TNRC6C: variants seen among roughly 807,000 people sequenced by gnomAD.
TNRC6C encodes trinucleotide repeat-containing gene 6C protein.
Under a neutral mutation model 153.7 loss-of-function variants are expected in TNRC6C, and 20 were observed. The ratio of observed to expected loss-of-function variants is 0.13; its 90% CI spans 0.09 to 0.19. The LOEUF is 0.19. TNRC6C is among the 10% of genes least tolerant of loss of function. The pLI, the probability that TNRC6C is intolerant of heterozygous loss-of-function variation, is 1.00. For missense variants in TNRC6C, 1,987 were observed against 2,172.0 expected (o/e 0.91, Z 1.69); for synonymous variants, 811 against 841.4 (o/e 0.96, Z 0.63).
chr17:78,040,991 A>G (rs1038555123), intron 2 of TNRC6C: 2 of 152,000 alleles, frequency 1.3e-5, no homozygotes, highest in Admixed American at 6.5e-5. Context: ...GCTCTACAGG[A>G]GGCGGCTCTC....
intron 1 of TNRC6C, among the ~76,000 whole-genome samples, chr17:77,972,469 G>A (rs1057223669): frequency 2.0e-5 from 3 of 151,052 alleles, no homozygotes; most frequent in African/African-American, 7.3e-5. Context: ...CCCAGATGGC[G>A]CCACTGCACT....
intron 1 of TNRC6C, among the ~76,000 whole-genome samples, chr17:77,979,368 G>C (rs1438021450): frequency 6.6e-6 from 1 of 152,162 alleles, no homozygotes; most frequent in Non-Finnish European, 1.5e-5. Context: ...CATGAATCCT[G>C]AAAGTATGTG....
intron 1 of TNRC6C, among the ~76,000 whole-genome samples, chr17:77,991,411 G>A (rs945791756): frequency 8.5e-5 from 13 of 152,164 alleles, no homozygotes; most frequent in African/African-American, 3.1e-4. Flanking sequence ...TCTTCATTTT[G>A]AAAGAAGTTT....
exon 20 of TNRC6C, chr17:78,106,922 A>T (rs1378234742): frequency 6.6e-6 from 1 of 151,504 alleles, no homozygotes; most frequent in Non-Finnish European, 1.5e-5. Context: ...CTGCAGATCC[A>T]CAAAAGCTGG....
At chr17:78,033,562 G>A (rs1336215503) in intron 2 of TNRC6C, among the ~76,000 whole-genome samples, 2 of 151,994 alleles carry the variant, frequency 1.3e-5, no homozygotes, top group African/African-American at 2.4e-5. Flanking sequence ...CCAGCTACTC[G>A]GGAGGCTGAG....
intron 16 of TNRC6C, 101 bp from the exon 20 acceptor site, chr17:78,098,242 C>A (rs1241363688): frequency 3.5e-6 from 4 of 1,140,918 alleles, no homozygotes; most frequent in African/African-American, 3.1e-5. Context: ...ATCACACAGT[C>A]TGCTGGTGTT....
intron 11 of TNRC6C, among the ~76,000 whole-genome samples, chr17:78,084,122 A>G (rs1050597405): frequency 3.3e-5 from 5 of 152,088 alleles, no homozygotes; most frequent in Non-Finnish European, 4.4e-5. Flanking sequence ...CGTCTCTACT[A>G]AAAATACAAA....
At chr17:77,958,699 TGTC>T (rs2070832771), upstream of TNRC6C, among the ~76,000 whole-genome samples, 1 of 151,710 alleles carries the variant, frequency 6.6e-6, no homozygotes, top group Non-Finnish European at 1.5e-5. Flanking sequence ...GGGGGGTTCT[TGTC>T]AGTTAGAGCA....
At chr17:78,086,913 C>G (rs1384978842) in exon 13 of TNRC6C, 1 of 1,612,578 alleles carries the variant, frequency 6.2e-7, no homozygotes, top group East Asian at 2.2e-5. Flanking sequence ...CCAGCTGGCC[C>G]AGGCCCTGCT....
At chr17:78,095,235 G>A (rs1470081825) in intron 16 of TNRC6C, among the ~76,000 whole-genome samples, 3 of 152,224 alleles carry the variant, frequency 2.0e-5, no homozygotes, top group Admixed American at 6.5e-5. Context: ...CTCAGCCATC[G>A]CCTGAGTGTG....
intron 15 of TNRC6C, 117 bp downstream of exon 17, chr17:78,093,241 GC>G: frequency 1.7e-6 from 2 of 1,158,450 alleles, no homozygotes; most frequent in Non-Finnish European, 2.4e-6. Context: ...GAAGCGTTAA[GC>G]CCAGAGCTTT....
chr17:78,093,060 C>G, exon 15 of TNRC6C: 1 of 1,613,746 alleles, frequency 6.2e-7, no homozygotes, highest in African/African-American at 1.3e-5. Flanking sequence ...TTCCCCATAG[C>G]TGGTCACGTG....
chr17:78,095,889 A>G (rs1287984550), intron 16 of TNRC6C, among the ~76,000 whole-genome samples: 1 of 152,180 alleles, frequency 6.6e-6, no homozygotes, highest in Non-Finnish European at 1.5e-5. Context: ...ACAAAAAATT[A>G]AAAATGAAAA....
chr17:78,015,011 A>G (rs1278649184), intron 1 of TNRC6C, among the ~76,000 whole-genome samples: 1 of 152,184 alleles, frequency 6.6e-6, no homozygotes, highest in African/African-American at 2.4e-5. Flanking sequence ...ATTCCTTGGA[A>G]TCACTGATTA....
exon 20 of TNRC6C, chr17:78,107,414 A>G (rs552490653): frequency 6.6e-6 from 1 of 152,322 alleles, no homozygotes; most frequent in Admixed American, 6.5e-5. Flanking sequence ...CGAAAGTACA[A>G]CGCTTTATTG....
intron 11 of TNRC6C, among the ~76,000 whole-genome samples, chr17:78,084,256 G>A (rs2073234855): frequency 6.6e-6 from 1 of 150,694 alleles, no homozygotes; most frequent in Non-Finnish European, 1.5e-5. Flanking sequence ...CTCCAGCCTG[G>A]GCGACAGAGC....
At position 78,016,728 on chromosome 17, in the gene TNRC6C, T is replaced by C. The variant is rs114795722; in HGVS notation, c.-546+11649T>C. On this transcript the variant is annotated intron_variant, in intron 1 of 19. Transcript: ENST00000301624. ...CTTTAACATGATTATTTAACTTCTG[T>C]GGCTTCCATTGCTTCTGAGAGGAGG... Among the ~76,000 whole-genome samples, 1,357 of 152,304 alleles carry C rather than the reference T, an allele frequency of 8.9e-3. 21 individuals are homozygous for C. The highest frequency in any genetic ancestry group is 0.03 in the African/African-American group (1,263 of 41,554).
chr17:78,067,629 A>G, intron 4 of TNRC6C, 128 bp from the exon 7 acceptor site: 2 of 945,870 alleles, frequency 2.1e-6, no homozygotes, highest in Non-Finnish European at 1.5e-6. Context: ...TCTGGGAGAA[A>G]TGAAGGCATA....
intron 1 of TNRC6C, among the ~76,000 whole-genome samples, chr17:77,990,706 G>C (rs1289568144): frequency 6.6e-6 from 1 of 152,066 alleles, no homozygotes; most frequent in African/African-American, 2.4e-5. Context: ...CATAGAATTA[G>C]GTTTTAAAAA....
Sources: gnomAD v4.1 joint callset for allele counts (sites outside exome capture counted in the v4.1 genomes callset) on GRCh38, gnomAD v4.1.1 for gene constraint, MANE v1.5 for transcripts, NCBI Gene and HGNC (gene_info 2026-07-23, HGNC 2026-07-21) for gene names.